The following MYO18B variants were observed in gnomAD, a reference collection of about 807,000 sequenced individuals.
The protein encoded by MYO18B is myosin XVIIIB.
Under a neutral mutation model 273.0 loss-of-function variants are expected in MYO18B, and 204 were observed. The observed-to-expected ratio is 0.75, with a 90% CI of 0.67 to 0.84. The LOEUF (loss-of-function observed/expected upper bound fraction) is 0.84, where lower values mean the gene tolerates loss of function less well. Ranked by LOEUF, MYO18B falls within the 40% of genes least tolerant of loss-of-function variation. MYO18B has a pLI of 0.00. For synonymous variants in MYO18B, 1,330 were observed against 1,305.7 expected (o/e 1.02, Z -0.40); for missense variants, 3,212 against 3,287.6 (o/e 0.98, Z 0.56).
intron 15 of MYO18B, 126 bp downstream of exon 15, chr22:25,829,094 A>C: frequency 9.0e-7 from 1 of 1,107,178 alleles, no homozygotes; most frequent in Non-Finnish European, 1.3e-6. Context: ...ACCAGAGAAC[A>C]AAGCCCTTTC....
Position 25,973,345 on chromosome 22 carries a change from GAAC to G in MYO18B, c.6156+17984_6156+17986del, listed in dbSNP as rs199957909. Among the ~76,000 whole-genome samples the G allele has an allele frequency of 5.8e-3, 887 of 152,240 alleles. 4 individuals are homozygous for G. The highest frequency in any genetic ancestry group is 9.5e-3 in the Non-Finnish European group (649 of 68,002). On this transcript the variant is annotated intron_variant, in intron 39 of 43. Coordinates refer to ENST00000335473, the MANE Select transcript of MYO18B (RefSeq NM_032608.7). ...CAGGGCTTTGCATTTTTAGAACATA[GAAC>G]AATAGCACCTCTTAGAACCTTCAGA...
chr22:25,985,125 T>C (rs1038497724), intron 39 of MYO18B, among the ~76,000 whole-genome samples: 1 of 152,018 alleles, frequency 6.6e-6, no homozygotes, highest in Admixed American at 6.5e-5. Context: ...AGAATAATAC[T>C]GGGGCTGGGT....
chr22:25,932,395 CTT>C (rs201505197), intron 34 of MYO18B, among the ~76,000 whole-genome samples: 30 of 146,884 alleles, frequency 2.0e-4, no homozygotes, highest in African/African-American at 5.3e-4. Context: ...CTTTTCTTTT[CTT>C]TTTTCTTTTC....
At chr22:25,785,867 A>G (rs1447769130) in intron 11 of MYO18B, among the ~76,000 whole-genome samples, 1 of 152,032 alleles carries the variant, frequency 6.6e-6, no homozygotes, top group Non-Finnish European at 1.5e-5. Flanking sequence ...GGTTGTTGTG[A>G]GGGTGAAATG....
intron 12 of MYO18B, among the ~76,000 whole-genome samples, chr22:25,810,263 G>T (rs932291841): frequency 7.1e-6 from 1 of 141,464 alleles, no homozygotes; most frequent in African/African-American, 3.1e-5. Context: ...ATGCCCAGAT[G>T]TTTTTTTTGT....
intron 2 of MYO18B, 139 bp downstream of exon 2, chr22:25,761,270 A>G (rs751317778): frequency 1.0e-5 from 10 of 964,704 alleles, no homozygotes; most frequent in South Asian, 1.4e-5. Flanking sequence ...CCCACCTTCA[A>G]CCTTCTCCCA....
chr22:26,032,667 A>T (rs144651237), downstream of MYO18B, among the ~76,000 whole-genome samples: 1 of 151,878 alleles, frequency 6.6e-6, no homozygotes, highest in Non-Finnish European at 1.5e-5. Flanking sequence ...GATTACAGAC[A>T]TGCACCACCA....
At chr22:25,749,967 C>T (rs1182202481) in intron 1 of MYO18B, among the ~76,000 whole-genome samples, 5 of 152,196 alleles carry the variant, frequency 3.3e-5, no homozygotes, top group African/African-American at 9.7e-5. Context: ...CATTCATTTA[C>T]GTACTAAGTA....
intron 5 of MYO18B, 147 bp from the exon 6 acceptor site, chr22:25,770,725 A>G (rs1341829749): frequency 1.6e-6 from 1 of 622,476 alleles, no homozygotes; most frequent in Non-Finnish European, 2.9e-6. Flanking sequence ...CCAAGTGAAT[A>G]GACCCCAAAT....
At chr22:25,971,173 G>T (rs950103810) in intron 39 of MYO18B, among the ~76,000 whole-genome samples, 2 of 152,246 alleles carry the variant, frequency 1.3e-5, no homozygotes, top group Non-Finnish European at 2.9e-5. Flanking sequence ...GCGTGGTTAT[G>T]TTCCAATAAA....
intron 10 of MYO18B, among the ~76,000 whole-genome samples, chr22:25,785,191 AC>A (rs1400970474): frequency 2.6e-5 from 4 of 151,864 alleles, no homozygotes; most frequent in African/African-American, 7.3e-5. Context: ...TTCCTCTACA[AC>A]CCTTTCTCCT....
chr22:26,003,204 C>A, intron 40 of MYO18B, 61 bp from the exon 41 acceptor site: 1 of 1,446,814 alleles, frequency 6.9e-7, no homozygotes, highest in South Asian at 1.2e-5. Context: ...ACGTCAATAA[C>A]CATGCTTCCA....
intron 12 of MYO18B, among the ~76,000 whole-genome samples, chr22:25,814,276 A>T: frequency 7.6e-6 from 1 of 132,098 alleles, no homozygotes. Flanking sequence ...AGTGCTTGCC[A>T]TGCTCCCAGG....
chr22:25,761,115 C>T lies in MYO18B; in HGVS notation c.23C>T (p.Ala8Val). 1.2e-6 allele frequency: 2 copies of T among 1,613,488 alleles called. No homozygotes were observed. The highest frequency in any genetic ancestry group is 1.7e-6 in the Non-Finnish European group (2 of 1,179,902). Residue 8 changes from alanine to valine, a missense_variant, in exon 2 of 44, where the codon GCC (alanine) becomes GTC (valine). Transcript: ENST00000335473. MAISSRL[A>V]LWEQKIREED... ...AGCATGGCCATCTCATCACGCCTCG[C>T]CCTGTGGGAGCAGAAGGAAAGTGAC...
At chr22:25,946,802 T>G (rs1454976415) in intron 35 of MYO18B, among the ~76,000 whole-genome samples, 1 of 152,108 alleles carries the variant, frequency 6.6e-6, no homozygotes, top group African/African-American at 2.4e-5. Context: ...CTCTAGTAAG[T>G]GGAGACAAGG....
At chr22:25,905,093 T>C in intron 31 of MYO18B, among the ~76,000 whole-genome samples, 2 of 152,082 alleles carry the variant, frequency 1.3e-5, no homozygotes. Flanking sequence ...CGAGAAAATG[T>C]GACCAGGTGT....
intron 7 of MYO18B, among the ~76,000 whole-genome samples, chr22:25,775,596 T>C (rs1323490111): frequency 1.3e-5 from 2 of 152,164 alleles, no homozygotes; most frequent in South Asian, 2.1e-4. Flanking sequence ...TCTGGTCTCT[T>C]ACTGAACTCA....
At chr22:25,791,780 C>G (rs1164159854) in intron 11 of MYO18B, among the ~76,000 whole-genome samples, 2 of 152,188 alleles carry the variant, frequency 1.3e-5, no homozygotes, top group Non-Finnish European at 2.9e-5. Flanking sequence ...TGAGGGATCA[C>G]TCACTCGTGC....
intron 34 of MYO18B, among the ~76,000 whole-genome samples, chr22:25,927,869 T>C (rs1322737205): frequency 6.6e-6 from 1 of 152,180 alleles, no homozygotes; most frequent in Non-Finnish European, 1.5e-5. Context: ...TCGGGGCAGA[T>C]TCCCCGATAC....
Sources: gnomAD v4.1 joint callset for allele counts (sites outside exome capture counted in the v4.1 genomes callset) on GRCh38, gnomAD v4.1.1 for gene constraint, MANE v1.5 for transcripts, NCBI Gene and HGNC (gene_info 2026-07-23, HGNC 2026-07-21) for gene names.